The following FAM133A variants were observed in gnomAD, a reference collection of about 807,000 sequenced individuals.
FAM133A encodes family with sequence similarity 133 member A.
For synonymous variants in FAM133A, 65 were observed against 58.6 expected (o/e 1.11, Z -0.50); for missense variants, 159 against 164.4 (o/e 0.97, Z 0.18).
At chrX:93,699,600 T>C (rs1283842071) in intron 3 of FAM133A, among the ~76,000 whole-genome samples, 1 of 111,242 alleles carries the variant, frequency 9.0e-6, no homozygotes, top group Non-Finnish European at 1.9e-5. Context: ...AACTTTTTCT[T>C]ATGAAATTTT....
At chrX:93,705,800 C>T (rs1927003211) in intron 3 of FAM133A, among the ~76,000 whole-genome samples, 1 of 110,812 alleles carries the variant, frequency 9.0e-6, no homozygotes, top group Admixed American at 9.6e-5. Flanking sequence ...GTTATTTCTT[C>T]TCTTACCTAG....
Position 93,710,102 on chromosome X carries a change from A to G in FAM133A, c.683A>G (p.Lys228Arg). 1 of 1,197,269 alleles carries G rather than the reference A, an allele frequency of 8.4e-7. No individual in the cohort carries two copies. Among genetic ancestry groups the G allele is most frequent in the Non-Finnish European group, 1.1e-6 (1 of 888,063 alleles). Residue 228 changes from lysine to arginine, a missense_variant, in exon 4 of 4, where the codon AAA becomes AGA. Lys to Arg is a conservative substitution (Grantham distance 26). Transcript: ENST00000683942. Reference sequence around the variant, plus strand: ...GAAAAAGTAAAGAAGAAGAAGAAGAAACAGCACAAGAAACATAGTAAGAAG... The same window carrying G: ...GAAAAAGTAAAGAAGAAGAAGAAGAGACAGCACAAGAAACATAGTAAGAAG... ...AKEKVKKKKK[K>R]QHKKHSKKKK...
At chrX:93,684,450 A>G (rs1160945215) in intron 2 of FAM133A, among the ~76,000 whole-genome samples, 1 of 112,180 alleles carries the variant, frequency 8.9e-6, no homozygotes, top group South Asian at 3.6e-4. Context: ...CAGAAACCAG[A>G]GCTTAAGGGC....
At chrX:93,694,852 A>G (rs1339128570) in intron 2 of FAM133A, among the ~76,000 whole-genome samples, 1 of 111,547 alleles carries the variant, frequency 9.0e-6, no homozygotes, top group African/African-American at 3.3e-5. Flanking sequence ...TGTATGATAT[A>G]CATACAAAAG....
intron 3 of FAM133A, among the ~76,000 whole-genome samples, chrX:93,702,837 T>TAAAAAAAAAAAAAAAAAA (rs33985910): frequency 4.6e-5 from 2 of 43,042 alleles, no homozygotes; most frequent in Non-Finnish European, 8.0e-5. Context: ...ATAGCTATGA[T>TAAAAAAAAAAAAAAAAAA]AAAAAAAAAA....
At chrX:93,676,761 A>G (rs762489361) in intron 2 of FAM133A, among the ~76,000 whole-genome samples, 14 of 110,840 alleles carry the variant, frequency 1.3e-4, no homozygotes, top group South Asian at 1.1e-3. Context: ...CAAAAACATC[A>G]TACAAAAATA....
chrX:93,703,298 A>G (rs994578239), intron 3 of FAM133A, among the ~76,000 whole-genome samples: 1 of 112,007 alleles, frequency 8.9e-6, no homozygotes, highest in East Asian at 2.8e-4. Flanking sequence ...AGTTCAGAGG[A>G]GCCTAGGAGA....
chrX:93,707,999 A>G (rs758376821), intron 3 of FAM133A, among the ~76,000 whole-genome samples: 1 of 112,027 alleles, frequency 8.9e-6, no homozygotes, highest in Non-Finnish European at 1.9e-5. Flanking sequence ...AAATGCTACA[A>G]ATAAAATAAA....
chrX:93,686,075 T>C (rs1399361715), intron 2 of FAM133A, among the ~76,000 whole-genome samples: 5 of 80,313 alleles, frequency 6.2e-5, no homozygotes, highest in Non-Finnish European at 8.7e-5. Context: ...GCCACTGCAC[T>C]CCAGCCAGGG....
chrX:93,685,981 C>G (rs1221654632), intron 2 of FAM133A, among the ~76,000 whole-genome samples: 1 of 108,521 alleles, frequency 9.2e-6, no homozygotes, highest in African/African-American at 3.4e-5. Flanking sequence ...TGGTGGCAGG[C>G]ACCTGTAATC....
At chrX:93,695,258 G>T (rs1926151872) in intron 2 of FAM133A, among the ~76,000 whole-genome samples, 1 of 106,073 alleles carries the variant, frequency 9.4e-6, no homozygotes, top group East Asian at 3.0e-4. Flanking sequence ...TTTTGTTTTT[G>T]TTTTTTTTTT....
chrX:93,696,636 G>A (rs1926294150), intron 2 of FAM133A, among the ~76,000 whole-genome samples: 1 of 111,138 alleles, frequency 9.0e-6, no homozygotes, highest in South Asian at 3.8e-4. Context: ...GAGTAGTATA[G>A]GCGGCCGGGC....
Position 93,675,877 on chromosome X carries a change from G to A in FAM133A, c.-193+1125G>A, listed in dbSNP as rs149276399. 3.4e-3 allele frequency among the ~76,000 whole-genome samples: 378 copies of A among 110,783 alleles called. 2 individuals carry two copies. The highest frequency in any genetic ancestry group is 0.012 in the African/African-American group (356 of 30,652). On this transcript the variant is annotated intron_variant, in intron 2 of 3. Coordinates refer to ENST00000683942, the MANE Select transcript of FAM133A (RefSeq NM_001171109.2). ...ATATGTTATAGAAACAATGATTTAC[G>A]TCATTGATGTTATACCATAAATATT...
intron 2 of FAM133A, among the ~76,000 whole-genome samples, chrX:93,678,642 AG>A (rs1359072037): frequency 8.9e-6 from 1 of 111,881 alleles, no homozygotes; most frequent in Non-Finnish European, 1.9e-5. Flanking sequence ...TTTTGCAAAA[AG>A]TACAAGGTAT....
At chrX:93,699,859 G>C (rs752918271) in intron 3 of FAM133A, among the ~76,000 whole-genome samples, 15 of 110,893 alleles carry the variant, frequency 1.4e-4, no homozygotes, top group Non-Finnish European at 2.7e-4. Flanking sequence ...TGCCTAATCA[G>C]TATTAGATAT....
chrX:93,693,371 A>T (rs965239969), intron 2 of FAM133A, among the ~76,000 whole-genome samples: 1 of 110,573 alleles, frequency 9.0e-6, no homozygotes, highest in Non-Finnish European at 1.9e-5. Flanking sequence ...GAGAGAGTGT[A>T]ATGTCACTGA....
chrX:93,706,469 A>G (rs1047241025), intron 3 of FAM133A, among the ~76,000 whole-genome samples: 4 of 111,755 alleles, frequency 3.6e-5, no homozygotes, highest in African/African-American at 1.3e-4. Flanking sequence ...TCATGACCCT[A>G]GCTATCACTC....
intron 2 of FAM133A, among the ~76,000 whole-genome samples, chrX:93,679,958 T>TTTTTTC (rs1569344510): frequency 4.1e-5 from 3 of 72,862 alleles, no homozygotes; most frequent in African/African-American, 1.6e-4. Context: ...TTTTTTTTTT[T>TTTTTTC]AGTAGAGACA....
intron 2 of FAM133A, among the ~76,000 whole-genome samples, chrX:93,685,970 G>C (rs192162182): frequency 4.6e-5 from 5 of 108,898 alleles, no homozygotes; most frequent in Non-Finnish European, 9.5e-5. Flanking sequence ...TTAGCTGGGC[G>C]TGGTGGCAGG....
Sources: allele counts gnomAD v4.1 joint callset (sites outside exome capture counted in the v4.1 genomes callset), GRCh38; gene constraint gnomAD v4.1.1; transcripts MANE v1.5; gene names NCBI Gene and HGNC (gene_info 2026-07-23, HGNC 2026-07-21).